BABAM2: variants seen among roughly 807,000 people sequenced by gnomAD.
The protein encoded by BABAM2 is BRISC and BRCA1 A complex member 2, also known as BRISC and BRCA1-A complex member 2.
In BABAM2, 31 loss-of-function variants were observed where a neutral mutation model predicts 54.7. The observed-to-expected ratio is 0.57, with a 90% CI of 0.43 to 0.77. BABAM2 has a LOEUF of 0.77. Among genes scored for constraint, BABAM2 ranks in the 30% least tolerant of loss-of-function variants. BABAM2 has a pLI of 0.00. For missense variants in BABAM2, 364 were observed against 455.8 expected (o/e 0.80, Z 1.83); for synonymous variants, 167 against 162.9 (o/e 1.03, Z -0.19).
intron 2 of BABAM2, among the ~76,000 whole-genome samples, chr2:27,924,648 T>C (rs1171451257): frequency 6.6e-6 from 1 of 152,016 alleles, no homozygotes; most frequent in Non-Finnish European, 1.5e-5. Context: ...CCTCCCAGAG[T>C]TGTTGGGATT....
chr2:28,315,421 T>TTTGTCTTTTCTTTTC (rs1553365600), intron 11 of BABAM2, among the ~76,000 whole-genome samples: 2 of 110,180 alleles, frequency 1.8e-5, no homozygotes, highest in East Asian at 5.1e-4. Context: ...GTGTGGTTCT[T>TTTGTCTTTTCTTTTC]TTTTCTTTTC....
chr2:28,220,571 C>T (rs753491694), intron 7 of BABAM2, among the ~76,000 whole-genome samples: 103 of 151,780 alleles, frequency 6.8e-4, no homozygotes, highest in Non-Finnish European at 1.2e-3. Flanking sequence ...CTCTGTCTCT[C>T]GTATTACAAA....
intron 7 of BABAM2, among the ~76,000 whole-genome samples, chr2:28,152,281 C>T (rs1672125475): frequency 6.6e-6 from 1 of 152,220 alleles, no homozygotes; most frequent in Non-Finnish European, 1.5e-5. Context: ...AGAATTTCCA[C>T]ACCAGATCAA....
chr2:28,144,499 A>C (rs1262835497), intron 7 of BABAM2, among the ~76,000 whole-genome samples: 1 of 152,126 alleles, frequency 6.6e-6, no homozygotes, highest in Admixed American at 6.6e-5. Context: ...AACCATCCAC[A>C]ACTCCCTCTA....
intron 6 of BABAM2, among the ~76,000 whole-genome samples, chr2:28,116,598 A>G (rs540270588): frequency 6.6e-6 from 1 of 152,314 alleles, no homozygotes; most frequent in South Asian, 2.1e-4. Flanking sequence ...TCACAGAGCC[A>G]CCTGGGAAGA....
intron 7 of BABAM2, among the ~76,000 whole-genome samples, chr2:28,229,138 AAC>A (rs1336205330): frequency 2.6e-5 from 4 of 152,158 alleles, no homozygotes; most frequent in African/African-American, 9.7e-5. Flanking sequence ...CATCTACTAA[AAC>A]ACCCAAGTCA....
intron 10 of BABAM2, among the ~76,000 whole-genome samples, chr2:28,257,727 A>C (rs559788924): frequency 1.3e-5 from 2 of 152,232 alleles, no homozygotes; most frequent in South Asian, 4.2e-4. Flanking sequence ...CTACAAAAAA[A>C]TTTAAAAATT....
intron 11 of BABAM2, among the ~76,000 whole-genome samples, chr2:28,323,076 A>T (rs1181512136): frequency 6.6e-6 from 1 of 152,192 alleles, no homozygotes; most frequent in African/African-American, 2.4e-5. Context: ...ACTCTCATCC[A>T]GGGTGAGCAC....
chr2:28,061,445 C>T (rs779250325), intron 6 of BABAM2, among the ~76,000 whole-genome samples: 7 of 151,434 alleles, frequency 4.6e-5, no homozygotes, highest in Admixed American at 1.3e-4. Flanking sequence ...ATTAGCTGGG[C>T]GTGGTGGCGG....
intron 6 of BABAM2, among the ~76,000 whole-genome samples, chr2:28,127,886 A>G (rs1337641211): frequency 6.7e-6 from 1 of 150,016 alleles, no homozygotes; most frequent in Non-Finnish European, 1.5e-5. Context: ...CGCTCACTGC[A>G]AGCTCCGCCT....
intron 10 of BABAM2, among the ~76,000 whole-genome samples, chr2:28,271,364 C>T (rs983076679): frequency 1.3e-5 from 2 of 152,208 alleles, no homozygotes; most frequent in African/African-American, 4.8e-5. Flanking sequence ...GGATTTGTTC[C>T]TTCAAGGATT....
chr2:28,039,083 A>G (rs1448813647), intron 5 of BABAM2, among the ~76,000 whole-genome samples: 1 of 152,176 alleles, frequency 6.6e-6, no homozygotes. Flanking sequence ...CTCACCTACT[A>G]GACTATAAGC....
At chr2:27,889,171 A>T (rs749736652), upstream of BABAM2, among the ~76,000 whole-genome samples, 63 of 152,192 alleles carry the variant, frequency 4.1e-4, 2 homozygotes, top group Admixed American at 5.9e-4. Flanking sequence ...CACAGCTTAT[A>T]AATATTTTAA....
chr2:28,177,104 C>G (rs1411561493), intron 7 of BABAM2, among the ~76,000 whole-genome samples: 1 of 152,024 alleles, frequency 6.6e-6, no homozygotes. Context: ...CCCTGCGGCA[C>G]GTGATAGTCA....
chr2:28,222,372 A>G (rs1680494709), intron 7 of BABAM2, among the ~76,000 whole-genome samples: 2 of 152,190 alleles, frequency 1.3e-5, no homozygotes, highest in African/African-American at 2.4e-5. Flanking sequence ...CCCATTTGCC[A>G]TACAGGGTAA....
intron 7 of BABAM2, among the ~76,000 whole-genome samples, chr2:28,134,850 G>C (rs1282555745): frequency 6.6e-6 from 1 of 152,134 alleles, no homozygotes. Flanking sequence ...AAAGTAAGAG[G>C]GATCAGAACA....
chr2:28,320,534 G>A lies in BABAM2; in HGVS notation c.1089-17916G>A, dbSNP rs565045026. Among the ~76,000 whole-genome samples, 34 of 152,354 alleles carry A rather than the reference G, an allele frequency of 2.2e-4. 1 individual carries two copies. In the South Asian group the frequency reaches 5.6e-3, roughly 25 times the overall value. On this transcript the variant is annotated intron_variant, in intron 11 of 11. Coordinates refer to ENST00000379624, the MANE Select transcript of BABAM2 (RefSeq NM_199191.3). ...CCCAGGGCCTGAGAGAAAGAAACCC[G>A]ACTGCTGGCAGATGTCTCCAATTTC...
chr2:27,989,294 A>T (rs1672614272), intron 4 of BABAM2, among the ~76,000 whole-genome samples: 1 of 152,296 alleles, frequency 6.6e-6, no homozygotes, highest in Admixed American at 6.5e-5. Context: ...CCAAAGATGT[A>T]TTCCAGGCTA....
intron 2 of BABAM2, among the ~76,000 whole-genome samples, chr2:27,904,226 A>T (rs1013099522): frequency 3.9e-4 from 60 of 152,372 alleles, no homozygotes; most frequent in African/African-American, 1.4e-3. Flanking sequence ...CAGACCAAAC[A>T]TTGCGTTTTC....
Sources: gnomAD v4.1 joint callset for allele counts (sites outside exome capture counted in the v4.1 genomes callset) on GRCh38, gnomAD v4.1.1 for gene constraint, MANE v1.5 for transcripts, NCBI Gene and HGNC (gene_info 2026-07-23, HGNC 2026-07-21) for gene names.